The following TJP2 variants were observed in gnomAD, a reference collection of about 807,000 sequenced individuals.
TJP2 encodes tight junction protein 2.
In TJP2, 91 loss-of-function variants were observed where a neutral mutation model predicts 133.1. The observed-to-expected ratio is 0.68, with a 90% CI of 0.58 to 0.81. The LOEUF (loss-of-function observed/expected upper bound fraction) is 0.81, where lower values mean the gene tolerates loss of function less well. Among genes scored for constraint, TJP2 ranks in the 40% least tolerant of loss-of-function variants. The pLI is 0.00. For missense variants in TJP2, 1,541 were observed against 1,565.6 expected (o/e 0.98, Z 0.26); for synonymous variants, 592 against 583.4 (o/e 1.01, Z -0.21).
intron 3 of TJP2, among the ~76,000 whole-genome samples, chr9:69,217,678 C>T (rs926902487): frequency 2.0e-5 from 3 of 152,182 alleles, no homozygotes; most frequent in African/African-American, 7.2e-5. Flanking sequence ...AGAGGGAAAC[C>T]ATGCCTCTTA....
In TJP2 at chr9:69,188,857, T is replaced by G. The variant is rs189737067; in HGVS notation, c.60+14425T>G. 2.8e-3 allele frequency among the ~76,000 whole-genome samples: 434 copies of G among 152,306 alleles called. 2 individuals are homozygous for G. The highest frequency in any genetic ancestry group is 9.8e-3 in the African/African-American group (409 of 41,580). Reference sequence around the variant, plus strand: ...ATGGCTGTGTTGTCCCATCAACCCCTTCACTCAAAAACTATCATTAATATC... The same window carrying G: ...ATGGCTGTGTTGTCCCATCAACCCCGTCACTCAAAAACTATCATTAATATC... On this transcript the variant is annotated intron_variant, in intron 1 of 22. Transcript: ENST00000377245.
chr9:69,149,265 A>G (rs890522432), intron 1 of TJP2, among the ~76,000 whole-genome samples: 3 of 152,258 alleles, frequency 2.0e-5, no homozygotes, highest in African/African-American at 7.2e-5. Flanking sequence ...CATTTTAATA[A>G]AAGAAATAAG....
At chr9:69,178,114 T>C (rs1825229728) in intron 1 of TJP2, among the ~76,000 whole-genome samples, 1 of 151,958 alleles carries the variant, frequency 6.6e-6, no homozygotes, top group East Asian at 1.9e-4. Flanking sequence ...ACCTGTGAGC[T>C]CTCAGAGGAG....
At chr9:69,177,799 C>T (rs1016955172) in intron 1 of TJP2, among the ~76,000 whole-genome samples, 3 of 151,856 alleles carry the variant, frequency 2.0e-5, no homozygotes, top group South Asian at 2.1e-4. Context: ...AGTGAGCCAC[C>T]GTGCCCGGCC....
chr9:69,225,796 T>C (rs964273306), intron 6 of TJP2, among the ~76,000 whole-genome samples: 1 of 152,196 alleles, frequency 6.6e-6, no homozygotes, highest in African/African-American at 2.4e-5. Flanking sequence ...TGTCTTGAGC[T>C]TGGAAGTTAA....
intron 15 of TJP2, 39 bp downstream of exon 15, chr9:69,238,012 TTTTGAA>T: frequency 1.4e-6 from 2 of 1,465,728 alleles, no homozygotes; most frequent in Non-Finnish European, 1.9e-6. Context: ...CAAATTTTTA[TTTTGAA>T]AAATTTCTAA....
chr9:69,138,108 GTTCTC>G (rs1346548831), intron 1 of TJP2, among the ~76,000 whole-genome samples: 2 of 152,134 alleles, frequency 1.3e-5, no homozygotes, highest in Non-Finnish European at 2.9e-5. Flanking sequence ...TAACAGCCCT[GTTCTC>G]TTCTCCAAGA....
At chr9:69,170,305 T>C (rs1231761476), upstream of TJP2, among the ~76,000 whole-genome samples, 1 of 152,098 alleles carries the variant, frequency 6.6e-6, no homozygotes, top group Non-Finnish European at 1.5e-5. Context: ...CCAGTTTTTA[T>C]TTTTTTTATA....
intron 1 of TJP2, among the ~76,000 whole-genome samples, chr9:69,148,047 C>T (rs559113281): frequency 6.6e-6 from 1 of 151,990 alleles, no homozygotes; most frequent in African/African-American, 2.4e-5. Flanking sequence ...GCCTCAGCCT[C>T]CCGAGTAGCT....
At chr9:69,168,783 CA>C (rs1320055219) in intron 2 of TJP2, among the ~76,000 whole-genome samples, 1 of 135,072 alleles carries the variant, frequency 7.4e-6, no homozygotes, top group Non-Finnish European at 1.5e-5. Flanking sequence ...GCCTGAGCAA[CA>C]AGCGCGAAAC....
chr9:69,182,283 A>G (rs1365577590), intron 1 of TJP2, among the ~76,000 whole-genome samples: 2 of 152,176 alleles, frequency 1.3e-5, no homozygotes, highest in Non-Finnish European at 2.9e-5. Context: ...GAGGAGAGAC[A>G]TTGTGGCATC....
Position 69,240,137 on chromosome 9 carries a change from C to T in TJP2, c.2556C>T (p.His852=). Residue 852 remains histidine, a synonymous_variant, in exon 17 of 23, where the codon CAC becomes CAT. Coordinates refer to ENST00000377245, the MANE Select transcript of TJP2 (RefSeq NM_004817.4). ...QANKLKKTCA[H]LFTATINLNS... ...ACAAGCTTAAAAAAACGTGTGCACA[C>T]CTTTTTACAGGTAAGTGAAATGTAA... is the stretch of plus-strand genomic sequence containing the variant. The T allele has an allele frequency of 1.2e-6, 2 of 1,613,482 alleles. No homozygotes were observed. The highest frequency in any genetic ancestry group is 2.2e-5 in the South Asian group (2 of 91,020).
At chr9:69,245,804 A>G (rs1433382854) in intron 17 of TJP2, among the ~76,000 whole-genome samples, 1 of 152,224 alleles carries the variant, frequency 6.6e-6, no homozygotes, top group African/African-American at 2.4e-5. Context: ...AGTAAGTGCT[A>G]TTATGTAAGA....
rs890718269 is a variant in TJP2, at chr9:69,249,423, G to A, written c.2929G>A (p.Ala977Thr). The stretch of plus-strand genomic sequence containing the variant: ...GCCACGAGCTCAGATGAGGAGGGCT[G>A]CTAGCAGCGATCAACTTAGGGACAA... ...PEPRAQMRRA[A>T]SSDQLRDNSP... Residue 977 changes from alanine (A) to threonine (T), a missense_variant, in exon 20 of 23, where the codon GCT (alanine) becomes ACT (threonine). Physicochemically the swap from Ala to Thr is moderately conservative, Grantham distance 58. Coordinates refer to ENST00000377245, the MANE Select transcript of TJP2 (RefSeq NM_004817.4). 2.0e-5 allele frequency: 32 copies of A among 1,611,900 alleles called. No homozygotes were observed. Among genetic ancestry groups the A allele is most frequent in the Non-Finnish European group, 2.6e-5 (31 of 1,179,006 alleles).
chr9:69,230,358 GC>G, intron 11 of TJP2, 126 bp downstream of exon 11: 1 of 1,219,022 alleles, frequency 8.2e-7, no homozygotes, highest in Non-Finnish European at 1.2e-6. Flanking sequence ...GTTTGTTGAT[GC>G]CCAGCATTGA....
In TJP2 at chr9:69,236,253, A is replaced by C; in HGVS notation, c.1991+15A>C. 6.2e-7 allele frequency: 1 copy of C among 1,612,838 alleles called. No individual in the cohort carries two copies. Among genetic ancestry groups the C allele is most frequent in the South Asian group, 1.1e-5 (1 of 91,012 alleles). On this transcript the variant is annotated intron_variant, in intron 13 of 22. Coordinates refer to ENST00000377245, the MANE Select transcript of TJP2 (RefSeq NM_004817.4). ...AACAAGAGCAGGTAACAGAGATCGCATTCTCACATACCCCTTTTAATCCTT... is the reference window on the plus strand; with the variant it reads ...AACAAGAGCAGGTAACAGAGATCGCCTTCTCACATACCCCTTTTAATCCTT...
chr9:69,131,230 G>A (rs1263204001), intron 1 of TJP2, among the ~76,000 whole-genome samples: 1 of 152,190 alleles, frequency 6.6e-6, no homozygotes, highest in Non-Finnish European at 1.5e-5. Context: ...GTCCTTGTGT[G>A]TATTTGCCTG....
rs2133314809 is a variant in TJP2 at position 69,226,106 on chromosome 9, G to A, written c.1141G>A (p.Val381Met). 1.2e-6 allele frequency: 2 copies of A among 1,614,158 alleles called. No individual in the cohort carries two copies. The highest frequency in any genetic ancestry group is 1.1e-5 in the South Asian group (1 of 91,076). Residue 381 changes from valine (V) to methionine (M), a missense_variant, in exon 7 of 23, where the codon GTG becomes ATG. Physicochemically the swap from Val to Met is conservative, Grantham distance 21. Transcript: ENST00000377245. ...EKSRGKLQLV[V>M]LRDSQQTLIN... is the part of the protein sequence containing the mutation. ...GTCAAGAGGAAAACTACAGCTAGTG[G>A]TGTTGAGAGACAGCCAGCAGACCCT...
intron 2 of TJP2, among the ~76,000 whole-genome samples, chr9:69,168,267 A>G (rs1824466710): frequency 6.6e-6 from 1 of 152,156 alleles, no homozygotes. Flanking sequence ...TATGATTGCT[A>G]TAAAGTCAGC....
Sources: gnomAD v4.1 joint callset for allele counts (sites outside exome capture counted in the v4.1 genomes callset) on GRCh38, gnomAD v4.1.1 for gene constraint, MANE v1.5 for transcripts, NCBI Gene and HGNC (gene_info 2026-07-23, HGNC 2026-07-21) for gene names.